Variants in CYP7B1 observed in about 807,000 individuals in gnomAD.
CYP7B1 encodes the protein cytochrome P450 7B1.
A neutral mutation model predicts 42.7 loss-of-function variants in CYP7B1; 29 were observed. The ratio of observed to expected loss-of-function variants is 0.68; its 90% CI spans 0.51 to 0.93. The LOEUF (loss-of-function observed/expected upper bound fraction) is 0.93, where lower values mean the gene tolerates loss of function less well. CYP7B1 is among the 40% of genes least tolerant of loss of function. The pLI is 0.00. For missense variants in CYP7B1, 655 were observed against 600.5 expected, an observed-to-expected ratio of 1.09 and a Z score of -0.95; for synonymous variants, 235 against 218.2, an observed-to-expected ratio of 1.08 and a Z score of -0.68.
chr8:64,736,291 C>T (rs75514015), intron 1 of CYP7B1, among the ~76,000 whole-genome samples: 1,689 of 152,252 alleles, frequency 0.011, 40 homozygotes, highest in African/African-American at 0.038. Flanking sequence ...CTGACATATG[C>T]TTCTCTTCCC....
rs190491240 is a variant in CYP7B1, at chr8:64,592,467, G to A, written c.*4175C>T. Among the ~76,000 whole-genome samples, 196 of 152,242 alleles carry A rather than the reference G, an allele frequency of 1.3e-3. No homozygotes were observed. Among genetic ancestry groups the A allele is most frequent in the Non-Finnish European group, 2.4e-3 (163 of 68,026 alleles). ...CATTTATAATAAATTAGTTGCCTAC[G>A]TATTGTTTTCCCTAACAAATAGTAT... On this transcript the variant is annotated 3_prime_UTR_variant, in exon 6 of 6. Transcript: ENST00000310193.
intron 1 of CYP7B1, among the ~76,000 whole-genome samples, chr8:64,765,631 C>T (rs188783612): frequency 3.1e-4 from 47 of 152,220 alleles, no homozygotes; most frequent in Middle Eastern, 3.4e-3. Flanking sequence ...TTAACTAATC[C>T]GATAAGCAGA....
intron 1 of CYP7B1, among the ~76,000 whole-genome samples, chr8:64,786,713 G>T (rs1804533618): frequency 6.6e-6 from 1 of 152,150 alleles, no homozygotes; most frequent in Non-Finnish European, 1.5e-5. Flanking sequence ...ATTCCAATAG[G>T]CAATGCCCCA....
chr8:64,785,914 G>T (rs1318117529), intron 1 of CYP7B1, among the ~76,000 whole-genome samples: 1 of 152,176 alleles, frequency 6.6e-6, no homozygotes, highest in Admixed American at 6.5e-5. Flanking sequence ...GATGGAAAGG[G>T]AAACAAACAC....
intron 1 of CYP7B1, among the ~76,000 whole-genome samples, chr8:64,691,761 C>A (rs1313081183): frequency 6.6e-6 from 1 of 152,158 alleles, no homozygotes; most frequent in African/African-American, 2.4e-5. Flanking sequence ...TCATCCAGTC[C>A]AACCTCCCCC....
At chr8:64,763,439 C>G (rs1326535628) in intron 1 of CYP7B1, among the ~76,000 whole-genome samples, 1 of 152,320 alleles carries the variant, frequency 6.6e-6, no homozygotes, top group Middle Eastern at 3.4e-3. Flanking sequence ...GGAACTCTAA[C>G]AACAAAGACC....
intron 2 of CYP7B1, 32 bp downstream of exon 2, chr8:64,624,371 A>G (rs750631653): frequency 1.9e-6 from 3 of 1,602,560 alleles, no homozygotes; most frequent in African/African-American, 2.7e-5. Flanking sequence ...AAATGATGAC[A>G]TATATAAGGT....
Position 64,628,850 on chromosome 8 carries a change from C to T in CYP7B1, c.123-4311G>A, listed in dbSNP as rs111259203. ...TTAATTTCCCATAATATTTGAAGTT[C>T]ATCTTCATGCTATACCTGTAGTTAA... is the stretch of plus-strand genomic sequence containing the variant. On this transcript the variant is annotated intron_variant, in intron 1 of 5. Transcript: ENST00000310193. 3.3e-3 allele frequency among the ~76,000 whole-genome samples: 501 copies of T among 152,160 alleles called. 8 individuals are homozygous for T. The highest frequency in any genetic ancestry group is 0.012 in the African/African-American group (489 of 41,516).
intron 1 of CYP7B1, among the ~76,000 whole-genome samples, chr8:64,635,850 T>C (rs1049604019): frequency 6.6e-6 from 1 of 152,232 alleles, no homozygotes. Flanking sequence ...GTCTGTAGAA[T>C]GTGCCTTGTA....
At chr8:64,607,398 T>TATAAAAAAAAAAAAAAAAA (rs1805298162) in intron 4 of CYP7B1, among the ~76,000 whole-genome samples, 1 of 143,960 alleles carries the variant, frequency 6.9e-6, no homozygotes, top group Non-Finnish European at 1.5e-5. Context: ...GCTCTAGAAT[T>TATAAAAAAAAAAAAAAAAA]AAAAAAAAAA....
At chr8:64,711,287 T>C (rs1807075501) in intron 1 of CYP7B1, among the ~76,000 whole-genome samples, 1 of 152,186 alleles carries the variant, frequency 6.6e-6, no homozygotes, top group South Asian at 2.1e-4. Context: ...CAGTTCTCTA[T>C]TTGTATACAA....
At chr8:64,656,009 G>T (rs1349165959) in intron 1 of CYP7B1, among the ~76,000 whole-genome samples, 1 of 152,128 alleles carries the variant, frequency 6.6e-6, no homozygotes, top group African/African-American at 2.4e-5. Context: ...GGGTCTACTT[G>T]AGGGTGGAGG....
intron 1 of CYP7B1, among the ~76,000 whole-genome samples, chr8:64,701,956 A>G (rs1183732014): frequency 3.3e-5 from 5 of 152,088 alleles, no homozygotes; most frequent in Non-Finnish European, 7.4e-5. Context: ...ATAACAGATG[A>G]AATTACAGGC....
At chr8:64,645,289 C>T (rs1805933513) in intron 1 of CYP7B1, among the ~76,000 whole-genome samples, 1 of 151,964 alleles carries the variant, frequency 6.6e-6, no homozygotes, top group African/African-American at 2.4e-5. Context: ...AATGGGATGG[C>T]TGGGTCAAAT....
At chr8:64,685,714 A>C (rs1469760052) in intron 1 of CYP7B1, among the ~76,000 whole-genome samples, 1 of 45,886 alleles carries the variant, frequency 2.2e-5, no homozygotes, top group Non-Finnish European at 5.3e-5. Context: ...CCCGGCAGCC[A>C]CCCCATCTGG....
chr8:64,665,362 G>A (rs1364010996), intron 1 of CYP7B1, among the ~76,000 whole-genome samples: 1 of 152,060 alleles, frequency 6.6e-6, no homozygotes, highest in Non-Finnish European at 1.5e-5. Flanking sequence ...GCTTCAAGGA[G>A]GAGGGGTCCT....
chr8:64,695,751 C>G (rs1806817839), intron 1 of CYP7B1, among the ~76,000 whole-genome samples: 1 of 151,176 alleles, frequency 6.6e-6, no homozygotes, highest in Non-Finnish European at 1.5e-5. Context: ...TTCATGTTCT[C>G]TTGGGCTTGG....
chr8:64,681,475 T>C (rs1284775048), intron 1 of CYP7B1, among the ~76,000 whole-genome samples: 5 of 152,204 alleles, frequency 3.3e-5, no homozygotes, highest in African/African-American at 1.2e-4. Context: ...CAAGGATGGA[T>C]TTGTGTGACA....
chr8:64,798,648 G>T lies in CYP7B1; in HGVS notation c.-61C>A, dbSNP rs1001269424. 1 of 1,429,446 alleles carries T rather than the reference G, an allele frequency of 7.0e-7. No individual in the cohort carries two copies. Among genetic ancestry groups the T allele is most frequent in the South Asian group, 1.4e-5 (1 of 70,752 alleles). 88.5% of individuals were successfully genotyped at this position (1,429,446 alleles called of 1,614,324 possible). A position where few individuals can be genotyped will look rare whatever the true frequency, so the allele number is the denominator to read the frequency against. ...TCTGCCTGCGAACAGCGCGGTCGGC[G>T]ACTCTGCAGCCTGCGGCGGCTTCTC... On this transcript the variant is annotated 5_prime_UTR_variant, in exon 1 of 6. Transcript: ENST00000310193.
Sources: gnomAD v4.1 joint callset for allele counts (sites outside exome capture counted in the v4.1 genomes callset) on GRCh38, gnomAD v4.1.1 for gene constraint, MANE v1.5 for transcripts, NCBI Gene and HGNC (gene_info 2026-07-23, HGNC 2026-07-21) for gene names.